The following TJP1 variants were observed in gnomAD, a reference collection of about 807,000 sequenced individuals.
TJP1 encodes tight junction protein 1.
In TJP1, 43 loss-of-function variants were observed where a neutral mutation model predicts 194.2. The observed-to-expected ratio is 0.22, with a 90% CI of 0.17 to 0.29. TJP1 has a LOEUF of 0.29. Ranked by LOEUF, TJP1 falls within the 10% of genes least tolerant of loss-of-function variation. The probability of loss-of-function intolerance (pLI) is 1.00; values close to 1 mark genes in which losing one functional copy is unlikely to be tolerated. For synonymous variants in TJP1, 801 were observed against 779.0 expected (o/e 1.03, Z -0.47); for missense variants, 1,971 against 2,185.7 (o/e 0.90, Z 1.96).
chr15:29,821,808 C>A (rs988260676), intron 1 of TJP1, among the ~76,000 whole-genome samples, 194 bp downstream of exon 1: 1 of 147,044 alleles, frequency 6.8e-6, no homozygotes, highest in Non-Finnish European at 1.5e-5. Flanking sequence ...CCAGTGCGGC[C>A]CGCGCCGCCC....
chr15:29,910,401 C>T (rs1596239598), intron 2 of TJP1, among the ~76,000 whole-genome samples: 3 of 152,230 alleles, frequency 2.0e-5, no homozygotes, highest in Admixed American at 6.5e-5. Flanking sequence ...CTTAGCCTAT[C>T]GCTAGGAAGT....
intron 1 of TJP1, among the ~76,000 whole-genome samples, chr15:29,957,785 G>T (rs1310787319): frequency 6.6e-6 from 1 of 152,178 alleles, no homozygotes; most frequent in Non-Finnish European, 1.5e-5. Context: ...AAGTAGAAAG[G>T]CAGAGTCAGA....
intron 14 of TJP1, 39 bp from the exon 15 acceptor site, chr15:29,732,567 C>T (rs2043734944): frequency 1.2e-6 from 2 of 1,613,150 alleles, no homozygotes; most frequent in African/African-American, 1.3e-5. Context: ...ATATTTTATA[C>T]CTTTTCTTTC....
At chr15:29,958,442 T>C (rs2056030678) in intron 1 of TJP1, among the ~76,000 whole-genome samples, 1 of 152,166 alleles carries the variant, frequency 6.6e-6, no homozygotes, top group South Asian at 2.1e-4. Flanking sequence ...TTTAGATCTA[T>C]TCCTGCCATC....
rs555471143 is a variant in TJP1, at chr15:29,829,387, G to C, written c.307-28685C>G. On this transcript the variant is annotated intron_variant, in intron 2 of 28. Coordinates refer to the TJP1 transcript ENST00000356107. Reference sequence around the variant, plus strand: ...GAGCCTCTGGACTTTCATAAGCTTAGGTGTGCGAGGGTGCCTGGAGGAGGC... The same window carrying C: ...GAGCCTCTGGACTTTCATAAGCTTACGTGTGCGAGGGTGCCTGGAGGAGGC... 2.0e-5 allele frequency among the ~76,000 whole-genome samples: 3 copies of C among 152,210 alleles called. No individual in the cohort carries two copies. In the East Asian group the frequency reaches 5.8e-4, roughly 29 times the overall value.
intron 8 of TJP1, among the ~76,000 whole-genome samples, chr15:29,757,927 T>A (rs908816039): frequency 1.1e-4 from 17 of 152,136 alleles, no homozygotes; most frequent in African/African-American, 4.1e-4. Context: ...CTCCTATTCC[T>A]CAGACGACTA....
At chr15:29,830,347 T>A (rs1355886807) in intron 2 of TJP1, among the ~76,000 whole-genome samples, 3 of 148,726 alleles carry the variant, frequency 2.0e-5, no homozygotes, top group African/African-American at 4.9e-5. Context: ...AATAATTATA[T>A]ATAATGTATT....
chr15:29,889,084 T>TCAA (rs1403114073), intron 2 of TJP1, among the ~76,000 whole-genome samples: 40 of 152,194 alleles, frequency 2.6e-4, no homozygotes, highest in Non-Finnish European at 5.1e-4. Context: ...TGAGCAGGCC[T>TCAA]CCAAGTAAAT....
chr15:29,952,063 G>C (rs572956144), intron 2 of TJP1, among the ~76,000 whole-genome samples: 25 of 152,242 alleles, frequency 1.6e-4, no homozygotes, highest in East Asian at 1.5e-3. Flanking sequence ...GAACAGCTAG[G>C]AATGTAAACA....
intron 2 of TJP1, among the ~76,000 whole-genome samples, chr15:29,916,128 C>T (rs1555452464): frequency 6.6e-6 from 1 of 151,664 alleles, no homozygotes; most frequent in Non-Finnish European, 1.5e-5. Flanking sequence ...ACCTGTAATC[C>T]CAGTTACTCG....
intron 19 of TJP1, 31 bp downstream of exon 19, chr15:29,720,327 A>G (rs1271744396): frequency 6.7e-6 from 10 of 1,498,722 alleles, no homozygotes; most frequent in Middle Eastern, 1.9e-4. Context: ...ATGCACCTCT[A>G]TCTACAAAAC....
intron 2 of TJP1, among the ~76,000 whole-genome samples, chr15:29,916,463 T>A (rs1026442592): frequency 1.3e-5 from 2 of 151,928 alleles, no homozygotes; most frequent in Admixed American, 1.3e-4. Context: ...TACATTTAAT[T>A]CACTGGAGGC....
At position 29,855,432 on chromosome 15, in the gene TJP1, T is replaced by C. The variant is rs191435515; in HGVS notation, c.307-54730A>G. On this transcript the variant is annotated intron_variant, in intron 2 of 28. Coordinates refer to the TJP1 transcript ENST00000356107. ...AACAATAGATAAATGTTTGAAGTTA[T>C]AGATATCCCAATTACCCTGATATGA... is the stretch of plus-strand genomic sequence containing the variant. Among the ~76,000 whole-genome samples the C allele has an allele frequency of 3.9e-4, 59 of 152,318 alleles. No individual in the cohort carries two copies. The South Asian group carries it at 9.5e-3, about 25-fold the overall frequency.
intron 2 of TJP1, among the ~76,000 whole-genome samples, chr15:29,941,462 G>A (rs548529643): frequency 6.6e-6 from 1 of 152,126 alleles, no homozygotes; most frequent in Non-Finnish European, 1.5e-5. Flanking sequence ...CTGGCTGAAG[G>A]GGGGAAGGAG....
intron 24 of TJP1, among the ~76,000 whole-genome samples, chr15:29,710,372 A>AT (rs1315927784): frequency 6.6e-6 from 1 of 152,186 alleles, no homozygotes; most frequent in Non-Finnish European, 1.5e-5. Context: ...AGCAGAAGAG[A>AT]TAACCACTTT....
At chr15:29,858,975 G>T (rs2051969277) in intron 2 of TJP1, among the ~76,000 whole-genome samples, 1 of 152,080 alleles carries the variant, frequency 6.6e-6, no homozygotes, top group South Asian at 2.1e-4. Flanking sequence ...TTACTAGTAC[G>T]AGCCACTGTG....
chr15:29,741,173 T>C, intron 10 of TJP1, 158 bp downstream of exon 10: 1 of 585,866 alleles, frequency 1.7e-6, no homozygotes, highest in Non-Finnish European at 2.9e-6. Context: ...CTCACTATCA[T>C]ATATAAGTAG....
rs377507714 is a variant in TJP1 at position 29,701,705 on chromosome 15, A to G, written c.5213-16T>C. 1 of 1,595,634 alleles carries G rather than the reference A, an allele frequency of 6.3e-7. No homozygotes were observed. Among genetic ancestry groups the G allele is most frequent in the African/African-American group, 1.3e-5 (1 of 74,542 alleles). On this transcript the variant is annotated splice_polypyrimidine_tract_variant and intron_variant, in intron 27 of 27. Coordinates refer to ENST00000614355, the MANE Select transcript of TJP1 (RefSeq NM_001330239.4). ...TTAGGATCACCTATGAGAGAAAAGA[A>G]GTTGATGTCATTTACAGTTCAGTAA...
At chr15:29,925,293 G>A (rs1353470986) in intron 2 of TJP1, among the ~76,000 whole-genome samples, 1 of 152,188 alleles carries the variant, frequency 6.6e-6, no homozygotes, top group Middle Eastern at 3.2e-3. Context: ...CTCACAGCAT[G>A]TTCCAGATGT....
Sources: allele counts gnomAD v4.1 joint callset (sites outside exome capture counted in the v4.1 genomes callset), GRCh38; gene constraint gnomAD v4.1.1; transcripts MANE v1.5; gene names NCBI Gene and HGNC (gene_info 2026-07-23, HGNC 2026-07-21).